Variants in GABBR2 observed in about 807,000 individuals in gnomAD.
GABBR2 encodes gamma-aminobutyric acid type B receptor subunit 2, also known as G-protein coupled receptor 51.
GABBR2 carries 23 observed loss-of-function variants against 105.6 expected under a neutral mutation model. That is an observed-to-expected ratio of 0.22 (90% CI 0.16 to 0.31). The LOEUF is 0.31. Ranked by LOEUF, GABBR2 falls within the 10% of genes least tolerant of loss-of-function variation. GABBR2 has a pLI of 1.00. For missense variants in GABBR2, 734 were observed against 1,245.5 expected, an observed-to-expected ratio of 0.59 and a Z score of 6.18; for synonymous variants, 478 against 499.7, an observed-to-expected ratio of 0.96 and a Z score of 0.58.
chr9:98,505,467 T>C (rs568459681), intron 3 of GABBR2, among the ~76,000 whole-genome samples: 3 of 151,162 alleles, frequency 2.0e-5, no homozygotes, highest in Non-Finnish European at 4.4e-5. Flanking sequence ...TGCATGTGCG[T>C]GTGTGACCCA....
chr9:98,419,579 A>G (rs544937361), intron 7 of GABBR2, among the ~76,000 whole-genome samples: 2 of 152,246 alleles, frequency 1.3e-5, no homozygotes, highest in East Asian at 3.9e-4. Flanking sequence ...TTAGGCAAAG[A>G]GGAGTGGGAG....
intron 1 of GABBR2, among the ~76,000 whole-genome samples, 190 bp from the exon 2 acceptor site, chr9:98,578,262 C>G (rs1828949002): frequency 6.6e-6 from 1 of 152,164 alleles, no homozygotes; most frequent in Non-Finnish European, 1.5e-5. Flanking sequence ...CACCCACTAT[C>G]CTGTCTCTGC....
chr9:98,330,787 T>G (rs1003162304), intron 13 of GABBR2, among the ~76,000 whole-genome samples: 1 of 152,228 alleles, frequency 6.6e-6, no homozygotes, highest in Admixed American at 6.5e-5. Context: ...ATTTAAACCA[T>G]TTTAGGTGTA....
intron 13 of GABBR2, among the ~76,000 whole-genome samples, chr9:98,313,743 C>G (rs1001676704): frequency 7.6e-5 from 11 of 145,008 alleles, no homozygotes; most frequent in African/African-American, 2.9e-4. Flanking sequence ...ATGGGCATCC[C>G]CAGGGTCAAT....
At chr9:98,444,424 G>A (rs1413342387) in intron 7 of GABBR2, among the ~76,000 whole-genome samples, 1 of 152,112 alleles carries the variant, frequency 6.6e-6, no homozygotes, top group Non-Finnish European at 1.5e-5. Context: ...CACTGGAGGA[G>A]TGTACCAGGA....
At chr9:98,546,769 G>GCAAAAATAAAGTTCAAGTCAGTTTA (rs1588222276) in intron 2 of GABBR2, among the ~76,000 whole-genome samples, 2 of 59,376 alleles carry the variant, frequency 3.4e-5, no homozygotes, top group African/African-American at 4.0e-5. Flanking sequence ...TCATCTCATT[G>GCAAAAATAAAGTTCAAGTCAGTTTA]GCCATCTCTT....
chr9:98,671,150 C>G (rs548790729), intron 1 of GABBR2, among the ~76,000 whole-genome samples: 1 of 152,126 alleles, frequency 6.6e-6, no homozygotes, highest in Non-Finnish European at 1.5e-5. Context: ...CTGCCACCCC[C>G]CCGCCCCACT....
At chr9:98,456,815 T>A (rs1826332730) in intron 6 of GABBR2, among the ~76,000 whole-genome samples, 1 of 152,268 alleles carries the variant, frequency 6.6e-6, no homozygotes, top group South Asian at 2.1e-4. Context: ...AGTATTCTTT[T>A]AATCTTAATT....
At chr9:98,412,141 C>G (rs1175405236) in intron 7 of GABBR2, among the ~76,000 whole-genome samples, 1 of 152,248 alleles carries the variant, frequency 6.6e-6, no homozygotes, top group Admixed American at 6.5e-5. Context: ...GAGATACTCT[C>G]CCTGAGAACA....
intron 1 of GABBR2, among the ~76,000 whole-genome samples, chr9:98,628,239 C>T (rs1038988142): frequency 4.0e-5 from 6 of 150,726 alleles, no homozygotes; most frequent in East Asian, 1.9e-4. Flanking sequence ...GAAGCTTCAG[C>T]GAAGCAAGAA....
chr9:98,447,122 C>T (rs866263320), intron 7 of GABBR2, among the ~76,000 whole-genome samples: 4 of 107,408 alleles, frequency 3.7e-5, no homozygotes, highest in Middle Eastern at 4.6e-3. Flanking sequence ...AGTGCAGTGG[C>T]GCAATCTCGG....
intron 3 of GABBR2, among the ~76,000 whole-genome samples, chr9:98,533,817 G>T (rs1232816591): frequency 6.6e-6 from 1 of 152,324 alleles, no homozygotes; most frequent in Non-Finnish European, 1.5e-5. Context: ...AGCCAGCATG[G>T]AGGTGTGGCT....
At chr9:98,651,044 C>T (rs1035094549) in intron 1 of GABBR2, among the ~76,000 whole-genome samples, 1 of 151,858 alleles carries the variant, frequency 6.6e-6, no homozygotes, top group African/African-American at 2.4e-5. Context: ...TGCCACTGAA[C>T]TGTACACTTA....
intron 3 of GABBR2, among the ~76,000 whole-genome samples, chr9:98,515,056 C>G (rs1827731035): frequency 6.6e-6 from 1 of 152,144 alleles, no homozygotes; most frequent in Non-Finnish European, 1.5e-5. Flanking sequence ...AACTTTCTAA[C>G]AAGAGAATGA....
chr9:98,352,727 A>C (rs1831421353), intron 13 of GABBR2, among the ~76,000 whole-genome samples: 1 of 152,042 alleles, frequency 6.6e-6, no homozygotes, highest in Admixed American at 6.5e-5. Context: ...TGGGGAGAGC[A>C]TGCTTTGGGT....
At position 98,333,423 on chromosome 9, in the gene GABBR2, G is replaced by A. The variant is rs112110655; in HGVS notation, c.1894-22218C>T. Among the ~76,000 whole-genome samples the A allele has an allele frequency of 3.7e-3, 563 of 152,206 alleles. 3 individuals carry two copies. Among genetic ancestry groups the A allele is most frequent in the African/African-American group, 0.012 (507 of 41,526 alleles). On this transcript the variant is annotated intron_variant, in intron 13 of 18. Transcript: ENST00000259455. ...GAAGTCCAAAGTCAAGATGTCCGTT[G>A]GGCTGTGCTCCTTCTGAAGGCTCAA...
intron 5 of GABBR2, among the ~76,000 whole-genome samples, chr9:98,479,074 T>G (rs1826855678): frequency 6.6e-6 from 1 of 152,246 alleles, no homozygotes; most frequent in African/African-American, 2.4e-5. Flanking sequence ...TGGAGTAAAA[T>G]TTTTATATCT....
At chr9:98,646,905 C>T (rs1830034091) in intron 1 of GABBR2, among the ~76,000 whole-genome samples, 1 of 152,128 alleles carries the variant, frequency 6.6e-6, no homozygotes, top group Admixed American at 6.5e-5. Context: ...GTTTTACTTA[C>T]AGAGAAAGCG....
At chr9:98,376,742 A>C (rs889679255) in intron 11 of GABBR2, among the ~76,000 whole-genome samples, 1 of 152,146 alleles carries the variant, frequency 6.6e-6, no homozygotes, top group Admixed American at 6.5e-5. Flanking sequence ...CCTGTATAGA[A>C]AATCTTCTCT....
Sources: allele counts gnomAD v4.1 joint callset (sites outside exome capture counted in the v4.1 genomes callset), GRCh38; gene constraint gnomAD v4.1.1; transcripts MANE v1.5; gene names NCBI Gene and HGNC (gene_info 2026-07-23, HGNC 2026-07-21).